The following KCNMA1 variants were observed in gnomAD, a reference collection of about 807,000 sequenced individuals.
The protein encoded by KCNMA1 is Calcium-activated potassium channel subunit alpha-1.
KCNMA1 carries 29 observed loss-of-function variants against 140.0 expected under a neutral mutation model. That is an observed-to-expected ratio of 0.21 (90% CI 0.15 to 0.28). The LOEUF (loss-of-function observed/expected upper bound fraction) is 0.28. Among genes scored for constraint, KCNMA1 ranks in the 10% least tolerant of loss-of-function variants. The pLI is 1.00. For missense variants in KCNMA1, 880 were observed against 1,602.2 expected (o/e 0.55, Z 7.70); for synonymous variants, 612 against 611.9 (o/e 1.00, Z 0.00).
At chr10:77,377,031 A>G (rs541849331) in intron 2 of KCNMA1, among the ~76,000 whole-genome samples, 1 of 152,276 alleles carries the variant, frequency 6.6e-6, no homozygotes, top group Non-Finnish European at 1.5e-5. Context: ...GGGAACACTT[A>G]GATTACAGTG....
chr10:77,240,240 C>T (rs763352234), intron 3 of KCNMA1, among the ~76,000 whole-genome samples: 18 of 152,118 alleles, frequency 1.2e-4, no homozygotes, highest in Non-Finnish European at 1.9e-4. Flanking sequence ...GAGCTTCTAA[C>T]AACGTTATTT....
intron 3 of KCNMA1, among the ~76,000 whole-genome samples, chr10:77,233,408 A>G (rs954279429): frequency 1.3e-5 from 2 of 152,170 alleles, no homozygotes; most frequent in African/African-American, 2.4e-5. Flanking sequence ...AAAAAATTAC[A>G]TCTTTATTTT....
At chr10:77,184,062 TCACACACACACA>T (rs3068684) in intron 4 of KCNMA1, among the ~76,000 whole-genome samples, 1 of 147,912 alleles carries the variant, frequency 6.8e-6, no homozygotes, top group African/African-American at 2.5e-5. Context: ...ATGTACGCAT[TCACACACACACA>T]CACACACACA....
intron 2 of KCNMA1, among the ~76,000 whole-genome samples, chr10:77,382,515 A>G (rs1182610674): frequency 1.3e-5 from 2 of 152,168 alleles, no homozygotes; most frequent in East Asian, 3.9e-4. Context: ...TCTAGAAGGC[A>G]CATTTCTTTG....
chr10:76,879,093 G>A (rs965917613), intron 29 of KCNMA1, among the ~76,000 whole-genome samples: 14 of 152,142 alleles, frequency 9.2e-5, no homozygotes, highest in South Asian at 6.3e-4. Flanking sequence ...GGTTTGATAG[G>A]GGGCGTTGGG....
At chr10:77,392,087 T>C (rs1253820628) in intron 2 of KCNMA1, among the ~76,000 whole-genome samples, 8 of 138,434 alleles carry the variant, frequency 5.8e-5, no homozygotes, top group Non-Finnish European at 1.2e-4. Context: ...CCAGCTTTCA[T>C]GGGTTGGGAA....
chr10:77,061,016 A>G (rs1177260236), intron 14 of KCNMA1, among the ~76,000 whole-genome samples: 1 of 152,204 alleles, frequency 6.6e-6, no homozygotes, highest in Non-Finnish European at 1.5e-5. Flanking sequence ...AAAAGGAAGG[A>G]AAAAAACTTG....
chr10:77,598,271 C>T (rs187464764), intron 1 of KCNMA1, among the ~76,000 whole-genome samples: 300 of 152,296 alleles, frequency 2.0e-3, no homozygotes, highest in Non-Finnish European at 3.4e-3. Flanking sequence ...GCACCCGGCC[C>T]ACTGTAAAAT....
chr10:77,253,639 G>T (rs1055690761), intron 2 of KCNMA1, among the ~76,000 whole-genome samples: 32 of 152,146 alleles, frequency 2.1e-4, no homozygotes, highest in Admixed American at 1.6e-3. Flanking sequence ...GTAAGAGAGG[G>T]AAGAAATCCA....
intron 14 of KCNMA1, among the ~76,000 whole-genome samples, chr10:77,069,121 G>A (rs1041356799): frequency 1.3e-5 from 2 of 152,186 alleles, no homozygotes; most frequent in Non-Finnish European, 2.9e-5. Context: ...TCAGGGCTGA[G>A]GCAATAGCAG....
chr10:77,455,323 G>T (rs2097742012), intron 1 of KCNMA1, among the ~76,000 whole-genome samples: 1 of 152,210 alleles, frequency 6.6e-6, no homozygotes, highest in Admixed American at 6.5e-5. Flanking sequence ...TCGAACCCAG[G>T]ACTCCTAGAC....
chr10:77,422,316 G>T (rs903318146), intron 1 of KCNMA1, among the ~76,000 whole-genome samples: 9 of 152,300 alleles, frequency 5.9e-5, no homozygotes, highest in African/African-American at 2.2e-4. Context: ...GCTTAGGTTG[G>T]AGCATAAGAA....
chr10:77,025,783 A>G (rs969038007), intron 16 of KCNMA1, among the ~76,000 whole-genome samples: 1 of 152,130 alleles, frequency 6.6e-6, no homozygotes, highest in Non-Finnish European at 1.5e-5. Context: ...AAGATTTTAA[A>G]AAATGTGTGT....
chr10:77,066,103 T>G (rs548536659), intron 14 of KCNMA1, among the ~76,000 whole-genome samples: 2 of 152,284 alleles, frequency 1.3e-5, no homozygotes, highest in Non-Finnish European at 2.9e-5. Context: ...TGGAGAGACT[T>G]ATGCAGAAGA....
Position 77,108,227 on chromosome 10 carries a change from C to T in KCNMA1, c.1223+254G>A. 7.6e-7 allele frequency: 1 copy of T among 1,320,222 alleles called. No homozygotes were observed. The highest frequency in any genetic ancestry group is 1.0e-6 in the Non-Finnish European group (1 of 994,346). The allele number at this position is 1,320,222 out of a possible 1,614,324, so 81.8% of individuals were successfully genotyped here. A position where few individuals can be genotyped will look rare whatever the true frequency, so the allele number is the denominator to read the frequency against. On this transcript the variant is annotated intron_variant, in intron 9 of 27. Coordinates refer to ENST00000286628, the MANE Select transcript of KCNMA1 (RefSeq NM_001161352.2). This position sits in a 1 kb window ranked among gnomAD's most constrained non-coding sequence, Gnocchi z 4.6. ...GGGGAGGGGCAGAATTCAGATGGCA[C>T]CTCCACAGGGACTCCTGAAAGTCAC...
At position 77,400,232 on chromosome 10, in the gene KCNMA1, G is replaced by A. The variant is rs61120020; in HGVS notation, c.540+3630C>T. On this transcript the variant is annotated intron_variant, in intron 2 of 27. Transcript: ENST00000286628. ...GTGCAGGGACCTGCCTGCTCCTAAAGGGCAGGCCTATTCTCAGGATACCGC... is the reference window on the plus strand; with the variant it reads ...GTGCAGGGACCTGCCTGCTCCTAAAAGGCAGGCCTATTCTCAGGATACCGC... Among the ~76,000 whole-genome samples, 1,106 of 152,264 alleles carry A rather than the reference G, an allele frequency of 7.3e-3. 18 individuals are homozygous for A. Among genetic ancestry groups the A allele is most frequent in the African/African-American group, 0.025 (1,043 of 41,554 alleles).
At chr10:77,348,772 C>A (rs2092518551) in intron 2 of KCNMA1, among the ~76,000 whole-genome samples, 1 of 152,174 alleles carries the variant, frequency 6.6e-6, no homozygotes, top group Admixed American at 6.5e-5. Flanking sequence ...CTGAATTTCC[C>A]AATGACTCCT....
chr10:77,416,700 T>C (rs1196567597), intron 1 of KCNMA1, among the ~76,000 whole-genome samples: 1 of 152,176 alleles, frequency 6.6e-6, no homozygotes, highest in East Asian at 1.9e-4. Context: ...ACCACCTTCA[T>C]CACACACGTG....
chr10:77,547,585 C>G (rs1167608681), intron 1 of KCNMA1, among the ~76,000 whole-genome samples: 2 of 152,212 alleles, frequency 1.3e-5, no homozygotes, highest in African/African-American at 4.8e-5. Context: ...GGGTGAAAGC[C>G]TGCTTTTCTC....
Sources: gnomAD v4.1 joint callset for allele counts (sites outside exome capture counted in the v4.1 genomes callset) on GRCh38, gnomAD v4.1.1 for gene constraint, Gnocchi (gnomAD v3.1) non-coding constraint, MANE v1.5 for transcripts, NCBI Gene and HGNC (gene_info 2026-07-23, HGNC 2026-07-21) for gene names.